Variants in SFXN1 observed in about 807,000 individuals in gnomAD.
SFXN1 encodes sideroflexin 1, also known as sideroflexin-1.
Under a neutral mutation model 39.5 loss-of-function variants are expected in SFXN1, and 32 were observed. That is an observed-to-expected ratio of 0.81 (90% CI 0.61 to 1.09). The LOEUF (loss-of-function observed/expected upper bound fraction) is 1.09, where lower values mean the gene tolerates loss of function less well. SFXN1 is among the 50% of genes least tolerant of loss of function. The probability of loss-of-function intolerance (pLI) is 0.00; values close to 1 mark genes in which losing one functional copy is unlikely to be tolerated. For synonymous variants in SFXN1, 136 were observed against 146.5 expected (o/e 0.93, Z 0.52); for missense variants, 402 against 407.1 (o/e 0.99, Z 0.11).
chr5:175,488,825 C>T (rs913493861), intron 1 of SFXN1, among the ~76,000 whole-genome samples: 11 of 151,738 alleles, frequency 7.2e-5, no homozygotes, highest in African/African-American at 2.4e-4. Flanking sequence ...GAGCCCAGGA[C>T]GTCAAGGCCC....
chr5:175,484,999 G>A (rs35341950), intron 1 of SFXN1, among the ~76,000 whole-genome samples: 13,095 of 152,262 alleles, frequency 0.086, 1,019 homozygotes, highest in African/African-American at 0.21. Context: ...CAGTTCATGC[G>A]TGAAAGAAGT....
intron 1 of SFXN1, among the ~76,000 whole-genome samples, chr5:175,481,205 T>C (rs1759236584): frequency 6.6e-6 from 1 of 152,258 alleles, no homozygotes; most frequent in Admixed American, 6.5e-5. Context: ...TTTTTTTAAC[T>C]GTAATAACAT....
intron 2 of SFXN1, among the ~76,000 whole-genome samples, chr5:175,496,996 C>T (rs565078379): frequency 6.5e-4 from 99 of 152,082 alleles, no homozygotes; most frequent in African/African-American, 2.1e-3. Context: ...TCAAGCAATT[C>T]TCCCTGCCTC....
In SFXN1 at chr5:175,511,520, G is replaced by T; in HGVS notation, c.504G>T (p.Leu168Phe). 6.2e-7 allele frequency: 1 copy of T among 1,613,162 alleles called. No individual in the cohort carries two copies. The highest frequency in any genetic ancestry group is 1.1e-5 in the South Asian group (1 of 90,908). The change falls in exon 5 of 11, where the codon TTG (leucine) becomes TTT (phenylalanine). Residue 168 changes from leucine to phenylalanine, a missense_variant. Transcript: ENST00000321442. ...CAACAGCTCTAGGACTCAATGCATTGACCAAGGTACTCAGATTTTTATTTC... is the reference window on the plus strand; with the variant it reads ...CAACAGCTCTAGGACTCAATGCATTTACCAAGGTACTCAGATTTTTATTTC... ...AVATALGLNA[L>F]TKHVSPLIGR... is the part of the protein sequence containing the mutation.
intron 2 of SFXN1, among the ~76,000 whole-genome samples, chr5:175,505,431 G>T (rs1760251850): frequency 6.6e-6 from 1 of 151,450 alleles, no homozygotes; most frequent in South Asian, 2.1e-4. Context: ...CAGTTACCCA[G>T]GAGGCCGGGG....
chr5:175,479,430 T>C (rs534091439), intron 1 of SFXN1, among the ~76,000 whole-genome samples: 12 of 152,190 alleles, frequency 7.9e-5, no homozygotes, highest in Non-Finnish European at 1.8e-4. Context: ...CAAGGCCATC[T>C]GAGTCTCAGT....
intron 1 of SFXN1, among the ~76,000 whole-genome samples, chr5:175,489,580 G>C (rs1397741613): frequency 3.9e-5 from 6 of 152,200 alleles, no homozygotes; most frequent in Admixed American, 6.5e-5. Context: ...GTATCCCCAT[G>C]ATGGTGGCAG....
chr5:175,521,937 G>T lies in SFXN1; in HGVS notation c.793G>T (p.Ala265Ser), dbSNP rs762785906. Residue 265 changes from alanine to serine, a missense_variant, in exon 9 of 11, where the codon GCA becomes TCA. By Grantham distance (99) the Ala-to-Ser change is moderately conservative (BLOSUM62 1). Transcript: ENST00000321442. ...AFLKRFPWMSAPIQVGLVGFC... is the reference protein window; with the variant it reads ...AFLKRFPWMSSPIQVGLVGFC... ...AACACAGAGGTTCCCATGGATGAGT[G>T]CACCCATTCAAGTTGGGTTAGTTGG... 2 of 1,602,966 alleles carry T rather than the reference G, an allele frequency of 1.2e-6. No homozygotes were observed. Among genetic ancestry groups the T allele is most frequent in the South Asian group, 2.2e-5 (2 of 89,038 alleles).
chr5:175,492,311 A>C, intron 2 of SFXN1, 44 bp downstream of exon 2: 69 of 1,470,904 alleles, frequency 4.7e-5, no homozygotes, highest in Non-Finnish European at 5.8e-5. Flanking sequence ...TAAATAGATC[A>C]TCATGTTAGG....
intron 2 of SFXN1, among the ~76,000 whole-genome samples, chr5:175,503,585 T>G (rs911469885): frequency 6.6e-6 from 1 of 152,206 alleles, no homozygotes; most frequent in Non-Finnish European, 1.5e-5. Flanking sequence ...ATAAAATAAT[T>G]AATCAGCTAG....
intron 2 of SFXN1, 183 bp downstream of exon 2, chr5:175,492,450 A>T (rs1041815281): frequency 4.6e-5 from 25 of 538,042 alleles, no homozygotes; most frequent in Non-Finnish European, 7.4e-5. Flanking sequence ...GCTCGCCCTT[A>T]ACACAGATAT....
chr5:175,507,800 G>T (rs1027482706), intron 2 of SFXN1, among the ~76,000 whole-genome samples: 1 of 152,126 alleles, frequency 6.6e-6, no homozygotes, highest in South Asian at 2.1e-4. Flanking sequence ...GTGAAATCCT[G>T]TGTCTACAAA....
At chr5:175,482,967 G>T (rs1027551376) in intron 1 of SFXN1, among the ~76,000 whole-genome samples, 2 of 152,214 alleles carry the variant, frequency 1.3e-5, no homozygotes, top group African/African-American at 2.4e-5. Flanking sequence ...GACCAAGCCA[G>T]TGTTGAGTAC....
At chr5:175,520,668 T>C (rs944088960) in intron 8 of SFXN1, among the ~76,000 whole-genome samples, 4 of 152,168 alleles carry the variant, frequency 2.6e-5, no homozygotes, top group African/African-American at 7.2e-5. Flanking sequence ...AGAGTCTACT[T>C]ACAATGAGGA....
At chr5:175,520,992 C>A (rs1242636593) in intron 8 of SFXN1, among the ~76,000 whole-genome samples, 2 of 152,028 alleles carry the variant, frequency 1.3e-5, no homozygotes, top group Admixed American at 6.6e-5. Context: ...TGAACCTTTT[C>A]CCCAGAGGAG....
chr5:175,511,479 A>T lies in SFXN1; in HGVS notation c.463A>T (p.Thr155Ser). ...GTTGGGAACAGCTTACGTTTCTGCA[A>T]CAACTGGTGCCGTAGCAACAGCTCT... is the stretch of plus-strand genomic sequence containing the variant. ...NELGTAYVSA[T>S]TGAVATALGL... is the part of the protein sequence containing the mutation. The change falls in exon 5 of 11, where the codon ACA (threonine) becomes TCA (serine). Residue 155 changes from threonine to serine, a missense_variant. Thr to Ser is a moderately conservative substitution (Grantham distance 58, BLOSUM62 1). Coordinates refer to ENST00000321442, the MANE Select transcript of SFXN1 (RefSeq NM_022754.7). 1 of 1,614,198 alleles carries T rather than the reference A, an allele frequency of 6.2e-7. No individual in the cohort carries two copies. The highest frequency in any genetic ancestry group is 8.5e-7 in the Non-Finnish European group (1 of 1,180,026).
intron 2 of SFXN1, among the ~76,000 whole-genome samples, chr5:175,495,903 CTT>C (rs374528443): frequency 0.28 from 39,467 of 140,934 alleles, 5,361 homozygotes; most frequent in South Asian, 0.45. Context: ...TTAAAAGTGG[CTT>C]TTTTTTTTTT....
intron 1 of SFXN1, among the ~76,000 whole-genome samples, chr5:175,482,110 A>C (rs1218841841): frequency 5.3e-5 from 8 of 152,194 alleles, no homozygotes; most frequent in Non-Finnish European, 1.0e-4. Context: ...TGTCATAAGG[A>C]GTTAGCAATC....
At chr5:175,496,261 C>A (rs994691920) in intron 2 of SFXN1, among the ~76,000 whole-genome samples, 1 of 151,708 alleles carries the variant, frequency 6.6e-6, no homozygotes, top group African/African-American at 2.4e-5. Flanking sequence ...CCTATAATCC[C>A]AGCTCGGGAG....
Sources: gnomAD v4.1 joint callset for allele counts (sites outside exome capture counted in the v4.1 genomes callset) on GRCh38, gnomAD v4.1.1 for gene constraint, MANE v1.5 for transcripts, NCBI Gene and HGNC (gene_info 2026-07-23, HGNC 2026-07-21) for gene names.